The following VMP1 variants were observed in gnomAD, a reference collection of about 807,000 sequenced individuals.
VMP1 encodes ectopic P-granules autophagy protein 3 homolog.
VMP1 carries 11 observed loss-of-function variants against 56.0 expected under a neutral mutation model. That is an observed-to-expected ratio of 0.20 (90% CI 0.12 to 0.32). The LOEUF is 0.32. VMP1 is among the 10% of genes least tolerant of loss of function. VMP1 has a pLI of 1.00. For missense variants in VMP1, 296 were observed against 490.3 expected (o/e 0.60, Z 3.74); for synonymous variants, 149 against 165.0 (o/e 0.90, Z 0.74).
intron 10 of VMP1, 165 bp from the exon 11 acceptor site, chr17:59,838,130 A>AAT: frequency 3.2e-6 from 1 of 316,374 alleles, no homozygotes; most frequent in Non-Finnish European, 5.8e-6. Flanking sequence ...TTAACTAAAA[A>AAT]GGGGTCACAG....
At chr17:59,827,372 A>G (rs1302391227) in intron 10 of VMP1, among the ~76,000 whole-genome samples, 1 of 151,842 alleles carries the variant, frequency 6.6e-6, no homozygotes, top group African/African-American at 2.4e-5. Flanking sequence ...CCTGGAGTGC[A>G]GTGGCGTGAT....
chr17:59,837,994 ACT>A (rs2039034992), intron 10 of VMP1: 1 of 232,278 alleles, frequency 4.3e-6, no homozygotes, highest in Non-Finnish European at 8.4e-6. Flanking sequence ...CTGAGGACTA[ACT>A]CTTTTGCTGG....
intron 7 of VMP1, among the ~76,000 whole-genome samples, chr17:59,797,160 C>T (rs573837792): frequency 1.3e-5 from 2 of 150,270 alleles, no homozygotes; most frequent in Non-Finnish European, 3.0e-5. Flanking sequence ...GGTGAAACCC[C>T]CCCCCCGTCT....
At chr17:59,739,196 G>A (rs1472788090) in intron 5 of VMP1, among the ~76,000 whole-genome samples, 2 of 152,132 alleles carry the variant, frequency 1.3e-5, no homozygotes, top group East Asian at 1.9e-4. Context: ...AATTAGTTTA[G>A]CGTGGAAGGT....
intron 1 of VMP1, among the ~76,000 whole-genome samples, chr17:59,728,303 T>C (rs1267963917): frequency 1.3e-5 from 2 of 152,204 alleles, no homozygotes; most frequent in Non-Finnish European, 2.9e-5. Flanking sequence ...CAGCTAAATA[T>C]AAATCTAGCA....
intron 10 of VMP1, among the ~76,000 whole-genome samples, chr17:59,837,238 A>G (rs2039011720): frequency 6.6e-6 from 1 of 151,976 alleles, no homozygotes; most frequent in Non-Finnish European, 1.5e-5. Flanking sequence ...AATTTGAGTC[A>G]GTGTACTTAA....
At chr17:59,733,283 A>G (rs977013161) in intron 2 of VMP1, among the ~76,000 whole-genome samples, 1 of 152,106 alleles carries the variant, frequency 6.6e-6, no homozygotes, top group African/African-American at 2.4e-5. Context: ...CTCTATTGGT[A>G]ATATATAAGT....
chr17:59,717,351 AAG>A (rs1568013561), intron 1 of VMP1, among the ~76,000 whole-genome samples: 1 of 152,156 alleles, frequency 6.6e-6, no homozygotes, highest in Non-Finnish European at 1.5e-5. Context: ...GAAGTAGATT[AAG>A]AGAAAATGAG....
At chr17:59,749,059 C>T (rs1448514180) in intron 5 of VMP1, among the ~76,000 whole-genome samples, 5 of 151,058 alleles carry the variant, frequency 3.3e-5, no homozygotes, top group African/African-American at 1.2e-4. Flanking sequence ...CAGTGTTTCT[C>T]CTGCCTCAGC....
chr17:59,813,244 C>T (rs1020249258), intron 9 of VMP1, among the ~76,000 whole-genome samples: 11 of 152,088 alleles, frequency 7.2e-5, no homozygotes, highest in Non-Finnish European at 1.2e-4. Context: ...AATCAACGAA[C>T]ACAGGTTTTT....
chr17:59,804,929 T>C (rs1387431809), intron 7 of VMP1, among the ~76,000 whole-genome samples: 1 of 152,172 alleles, frequency 6.6e-6, no homozygotes. Context: ...CTGAGAATAT[T>C]GTGAAAGACC....
At chr17:59,765,773 G>A (rs1439267505) in intron 6 of VMP1, among the ~76,000 whole-genome samples, 1 of 151,930 alleles carries the variant, frequency 6.6e-6, no homozygotes, top group African/African-American at 2.4e-5. Flanking sequence ...AGGTAGATGG[G>A]GAGCCATGAG....
intron 5 of VMP1, among the ~76,000 whole-genome samples, chr17:59,750,619 A>T (rs1306877533): frequency 6.6e-6 from 1 of 152,158 alleles, no homozygotes; most frequent in Non-Finnish European, 1.5e-5. Flanking sequence ...AGTGATTTTT[A>T]AAATAATTTT....
chr17:59,811,350 CACTT>C (rs1317608594), intron 8 of VMP1, among the ~76,000 whole-genome samples: 2 of 152,144 alleles, frequency 1.3e-5, no homozygotes, highest in Non-Finnish European at 2.9e-5. Context: ...CCTGCAGGTC[CACTT>C]ACTTTATCCA....
At chr17:59,783,157 C>G (rs1001677917) in intron 7 of VMP1, among the ~76,000 whole-genome samples, 1 of 152,126 alleles carries the variant, frequency 6.6e-6, no homozygotes, top group African/African-American at 2.4e-5. Context: ...GATCGCGCCA[C>G]TGCAATCCAG....
chr17:59,824,251 C>CA (rs532688168), intron 10 of VMP1, among the ~76,000 whole-genome samples: 5,076 of 115,878 alleles, frequency 0.044, 317 homozygotes, highest in African/African-American at 0.14. Context: ...ACTCTGTCTC[C>CA]AAAAAAAAAA....
chr17:59,753,558 TAATAGCA>T (rs1229226760), intron 5 of VMP1, among the ~76,000 whole-genome samples: 2 of 152,212 alleles, frequency 1.3e-5, no homozygotes, highest in South Asian at 4.1e-4. Context: ...AGCCTGTTCT[TAATAGCA>T]AAGGAGTCCA....
intron 7 of VMP1, among the ~76,000 whole-genome samples, chr17:59,801,461 C>G (rs1314011424): frequency 6.6e-6 from 1 of 151,808 alleles, no homozygotes; most frequent in Non-Finnish European, 1.5e-5. Context: ...CTTATGTTAC[C>G]CAGGCTGCTC....
intron 1 of VMP1, among the ~76,000 whole-genome samples, chr17:59,729,491 A>AC (rs1437267510): frequency 1.3e-5 from 2 of 151,720 alleles, no homozygotes; most frequent in African/African-American, 4.8e-5. Context: ...AAAAAAAAAA[A>AC]AAAAAACCTT....
Sources: gnomAD v4.1 joint callset for allele counts (sites outside exome capture counted in the v4.1 genomes callset) on GRCh38, gnomAD v4.1.1 for gene constraint, MANE v1.5 for transcripts, NCBI Gene and HGNC (gene_info 2026-07-23, HGNC 2026-07-21) for gene names.